Variants in FBXO21 observed in about 807,000 individuals in gnomAD.
FBXO21 encodes the protein F-box only protein 21.
FBXO21 carries 32 observed loss-of-function variants against 76.6 expected under a neutral mutation model. The observed-to-expected ratio is 0.42, with a 90% confidence interval of 0.32 to 0.56. The LOEUF (loss-of-function observed/expected upper bound fraction) is 0.56, where lower values mean the gene tolerates loss of function less well. Ranked by LOEUF, FBXO21 falls within the 20% of genes least tolerant of loss-of-function variation. FBXO21 has a pLI of 0.16. For synonymous variants in FBXO21, 328 were observed against 311.5 expected (o/e 1.05, Z -0.56); for missense variants, 586 against 797.3 (o/e 0.73, Z 3.19).
At position 117,190,297 on chromosome 12, in the gene FBXO21, G is replaced by C. The variant is rs1459855220; in HGVS notation, c.160C>G (p.Arg54Gly). 1 of 1,532,064 alleles carries C rather than the reference G, an allele frequency of 6.5e-7. No homozygotes were observed. Among genetic ancestry groups the C allele is most frequent in the Non-Finnish European group, 8.7e-7 (1 of 1,150,512 alleles). 94.9% of individuals were successfully genotyped at this position (1,532,064 alleles called of 1,614,324 possible). A position where few individuals can be genotyped will look rare whatever the true frequency, so the allele number is the denominator to read the frequency against. Residue 54 changes from arginine to glycine, a missense_variant, in exon 1 of 12, where the codon CGT becomes GGT. Arg to Gly is a moderately radical substitution (Grantham distance 125). Transcript: ENST00000622495. ...CGSLTAADIGRVSSTCRRLRE... is the reference protein window; with the variant it reads ...CGSLTAADIGGVSSTCRRLRE... ...AGCCGCCGGCAGGTGCTGGAGACAC[G>C]GCCGATGTCGGCGGCCGTCAGCGAG...
chr12:117,188,362 T>C (rs543466642), intron 2 of FBXO21, among the ~76,000 whole-genome samples: 13 of 152,224 alleles, frequency 8.5e-5, no homozygotes, highest in Middle Eastern at 3.4e-3. Flanking sequence ...CTGACCAACA[T>C]GGTGAAACCC....
At chr12:117,181,667 T>C (rs1258948349) in intron 3 of FBXO21, among the ~76,000 whole-genome samples, 1 of 151,980 alleles carries the variant, frequency 6.6e-6, no homozygotes, top group Non-Finnish European at 1.5e-5. Context: ...TCTATCTATC[T>C]GAGACAGAGT....
At chr12:117,170,523 AG>A (rs1477223932) in intron 7 of FBXO21, among the ~76,000 whole-genome samples, 2 of 152,234 alleles carry the variant, frequency 1.3e-5, no homozygotes, top group African/African-American at 4.8e-5. Flanking sequence ...GTCTTGGTAC[AG>A]GGACAGAGAA....
intron 11 of FBXO21, among the ~76,000 whole-genome samples, chr12:117,152,325 G>A (rs555338891): frequency 1.3e-5 from 2 of 152,208 alleles, no homozygotes; most frequent in South Asian, 4.1e-4. Flanking sequence ...AAATAGCCAG[G>A]TGTGGTGGTG....
At chr12:117,157,646 C>T (rs1340443630) in intron 10 of FBXO21, among the ~76,000 whole-genome samples, 1 of 151,966 alleles carries the variant, frequency 6.6e-6, no homozygotes, top group African/African-American at 2.4e-5. Context: ...ACTAGAAGAT[C>T]TCTCAGGAAA....
chr12:117,181,616 T>C (rs145343124), intron 3 of FBXO21, among the ~76,000 whole-genome samples: 75 of 147,080 alleles, frequency 5.1e-4, no homozygotes, highest in East Asian at 1.6e-3. Context: ...TATCTATCTA[T>C]CTATCTATCT....
At chr12:117,169,340 G>A (rs761845090) in intron 7 of FBXO21, among the ~76,000 whole-genome samples, 30 of 152,044 alleles carry the variant, frequency 2.0e-4, no homozygotes, top group Non-Finnish European at 3.2e-4. Flanking sequence ...GGTGGGAGAC[G>A]ATAAGGAAAA....
In FBXO21 at chr12:117,171,158, G is replaced by A. The variant is rs754253192; in HGVS notation, c.1013+1313C>T. ...GCAGGCGGATCACTTGAACTCAGGCGTTCAAGACTAGCCTGGGCAACATGG... is the reference window on the plus strand; with the variant it reads ...GCAGGCGGATCACTTGAACTCAGGCATTCAAGACTAGCCTGGGCAACATGG... On this transcript the variant is annotated intron_variant, in intron 7 of 11. Transcript: ENST00000622495. Among the ~76,000 whole-genome samples the A allele has an allele frequency of 5.6e-4, 85 of 152,014 alleles. 1 individual carries two copies. The highest frequency in any genetic ancestry group is 9.0e-4 in the Non-Finnish European group (61 of 67,974).
At chr12:117,181,584 T>G (rs778573877) in intron 3 of FBXO21, among the ~76,000 whole-genome samples, 10 of 88,070 alleles carry the variant, frequency 1.1e-4, no homozygotes, top group South Asian at 1.0e-3. Context: ...TCGATCGATC[T>G]ATCTATCTGA....
intron 8 of FBXO21, among the ~76,000 whole-genome samples, chr12:117,166,597 A>C (rs1292553246): frequency 6.6e-6 from 1 of 152,246 alleles, no homozygotes; most frequent in Non-Finnish European, 1.5e-5. Flanking sequence ...CTATATGACA[A>C]ATTTTCTTGG....
chr12:117,180,577 C>T (rs933954337), intron 3 of FBXO21, among the ~76,000 whole-genome samples: 1 of 152,058 alleles, frequency 6.6e-6, no homozygotes, highest in African/African-American at 2.4e-5. Flanking sequence ...CCACATCTCT[C>T]TCTCATACAC....
Position 117,177,580 on chromosome 12 carries a change from T to C in FBXO21, c.532A>G (p.Ile178Val). 6.2e-7 allele frequency: 1 copy of C among 1,613,936 alleles called. No homozygotes were observed. Among genetic ancestry groups the C allele is most frequent in the African/African-American group, 1.3e-5 (1 of 75,062 alleles). The change falls in exon 4 of 12, where the codon ATC becomes GTC. Residue 178 changes from isoleucine (I) to valine (V), a missense_variant. This residue lies in a region of FBXO21 where 246 missense variants were observed against 356.8 expected (regional missense o/e 0.69). Coordinates refer to ENST00000622495, the MANE Select transcript of FBXO21 (RefSeq NM_015002.3). ...KILYYLRQQK[I>V]LNNLKAFLQQ... ...AGAAAGGCCTTAAGATTATTTAAGA[T>C]CTTCTGTTGCCGCAGGTAGTAAAGA...
Position 117,173,096 on chromosome 12 carries a change from G to A in FBXO21, c.877-489C>T, listed in dbSNP as rs532998964. ...GTTGCCCAGACTGGAGTGCGATGGCGCAATCTTGGCTCACTGCAACCTTTC... is the reference window on the plus strand; with the variant it reads ...GTTGCCCAGACTGGAGTGCGATGGCACAATCTTGGCTCACTGCAACCTTTC... On this transcript the variant is annotated intron_variant, in intron 6 of 11. Transcript: ENST00000622495. 2.0e-5 allele frequency among the ~76,000 whole-genome samples: 3 copies of A among 151,448 alleles called. No homozygotes were observed. The East Asian group carries it at 5.8e-4, about 29-fold the overall frequency.
At chr12:117,149,937 C>T (rs1356119740) in intron 11 of FBXO21, among the ~76,000 whole-genome samples, 1 of 152,142 alleles carries the variant, frequency 6.6e-6, no homozygotes, top group Non-Finnish European at 1.5e-5. Flanking sequence ...CAGGCAGGAA[C>T]GGTGGGAAAC....
chr12:117,172,062 A>G (rs1361716857), intron 7 of FBXO21, among the ~76,000 whole-genome samples: 2 of 152,192 alleles, frequency 1.3e-5, no homozygotes, highest in Non-Finnish European at 2.9e-5. Flanking sequence ...GGGAGATTTT[A>G]CGGAAGAATG....
intron 11 of FBXO21, among the ~76,000 whole-genome samples, chr12:117,152,930 G>A (rs898759819): frequency 6.6e-6 from 1 of 152,140 alleles, no homozygotes; most frequent in African/African-American, 2.4e-5. Flanking sequence ...GTGCGAGCAA[G>A]AATGATGACT....
chr12:117,172,822 A>T (rs574054818), intron 6 of FBXO21, among the ~76,000 whole-genome samples: 53 of 152,332 alleles, frequency 3.5e-4, no homozygotes, highest in African/African-American at 1.1e-3. Flanking sequence ...GTGTAAGAAG[A>T]AGTTTTATGT....
At chr12:117,153,515 GAGCCCAGAGAAC>G (rs1216092131) in intron 11 of FBXO21, among the ~76,000 whole-genome samples, 2 of 152,212 alleles carry the variant, frequency 1.3e-5, no homozygotes, top group African/African-American at 4.8e-5. Context: ...GCCCAGAGAA[GAGCCCAGAGAAC>G]ACGGCTTTGG....
chr12:117,142,291 C>A lies in FBXO21; in HGVS notation c.*3796G>T, dbSNP rs952147975. 2.6e-5 allele frequency: 4 copies of A among 152,196 alleles called. No homozygotes were observed. The highest frequency in any genetic ancestry group is 5.9e-5 in the Non-Finnish European group (4 of 68,052). 9.4% of individuals were successfully genotyped at this position (152,196 alleles called of 1,614,324 possible). A position where few individuals can be genotyped will look rare whatever the true frequency, so the allele number is the denominator to read the frequency against. On this transcript the variant is annotated 3_prime_UTR_variant, in exon 12 of 12. Coordinates refer to ENST00000622495, the MANE Select transcript of FBXO21 (RefSeq NM_015002.3). The stretch of plus-strand genomic sequence containing the variant: ...TATTCCACATCCGGCTTCCCACCCA[C>A]GCACACGCAGTATGACCTGGGTTTC...
Sources: allele counts gnomAD v4.1 joint callset (sites outside exome capture counted in the v4.1 genomes callset), GRCh38; gene constraint gnomAD v4.1.1; regional missense constraint gnomAD v4.1.1; transcripts MANE v1.5; gene names NCBI Gene and HGNC (gene_info 2026-07-23, HGNC 2026-07-21).